CRACDL: variants seen among roughly 807,000 people sequenced by gnomAD.
The protein encoded by CRACDL is CRACD like.
A neutral mutation model predicts 70.6 loss-of-function variants in CRACDL; 26 were observed. That is an observed-to-expected ratio of 0.37 (90% CI 0.27 to 0.51). The LOEUF is 0.51. Ranked by LOEUF, CRACDL falls within the 20% of genes least tolerant of loss-of-function variation. The pLI is 0.94. For missense variants in CRACDL, 1,283 were observed against 1,376.9 expected, an observed-to-expected ratio of 0.93 and a Z score of 1.08; for synonymous variants, 618 against 615.2, an observed-to-expected ratio of 1.00 and a Z score of -0.07.
chr2:98,884,574 ATTC>A (rs1707751981), intron 1 of CRACDL, among the ~76,000 whole-genome samples: 3 of 152,206 alleles, frequency 2.0e-5, no homozygotes, highest in Admixed American at 2.0e-4. Context: ...CCTGCCTAAA[ATTC>A]ACGTGTTGAA....
intron 7 of CRACDL, among the ~76,000 whole-genome samples, chr2:98,799,730 C>T (rs1277472374): frequency 6.6e-6 from 1 of 152,170 alleles, no homozygotes; most frequent in African/African-American, 2.4e-5. Context: ...GAACCAGCCA[C>T]GAGTTGACAC....
intron 7 of CRACDL, among the ~76,000 whole-genome samples, chr2:98,816,595 G>A (rs2104449656): frequency 6.6e-6 from 1 of 152,246 alleles, no homozygotes; most frequent in South Asian, 2.1e-4. Flanking sequence ...AGAAGTCAAG[G>A]GAAGCAAGAA....
chr2:98,880,282 C>T (rs978499998), intron 1 of CRACDL, among the ~76,000 whole-genome samples: 27 of 152,238 alleles, frequency 1.8e-4, no homozygotes, highest in African/African-American at 5.3e-4. Context: ...ATCCTGTGAA[C>T]GAACAAGGAC....
intron 1 of CRACDL, among the ~76,000 whole-genome samples, chr2:98,879,170 C>A (rs998884544): frequency 6.6e-6 from 1 of 152,078 alleles, no homozygotes; most frequent in Non-Finnish European, 1.5e-5. Flanking sequence ...TCTTGGTAGC[C>A]CTAATACATA....
chr2:98,818,341 T>C (rs560638047), intron 7 of CRACDL, among the ~76,000 whole-genome samples: 2 of 152,318 alleles, frequency 1.3e-5, no homozygotes, highest in African/African-American at 4.8e-5. Flanking sequence ...CATTGCATCC[T>C]TTCCTACTCC....
intron 1 of CRACDL, among the ~76,000 whole-genome samples, chr2:98,923,701 T>C (rs970096921): frequency 6.6e-6 from 1 of 152,252 alleles, no homozygotes; most frequent in African/African-American, 2.4e-5. Context: ...ATATGACACC[T>C]AGACAAGTCT....
rs142692690 is a variant in CRACDL at position 98,828,186 on chromosome 2, G to A, written c.541-1017C>T. Among the ~76,000 whole-genome samples the A allele has an allele frequency of 2.9e-3, 434 of 152,208 alleles. 1 individual carries two copies. Among genetic ancestry groups the A allele is most frequent in the African/African-American group, 0.01 (420 of 41,508 alleles). ...CTCCACCACTGAGTGAGGTCGAAGT[G>A]GGCTCCCCTGCAGACACAAGTTGGG... On this transcript the variant is annotated intron_variant, in intron 5 of 9. Transcript: ENST00000397899.
intron 1 of CRACDL, chr2:98,897,517 G>T: frequency 1.8e-6 from 1 of 549,234 alleles, no homozygotes; most frequent in Non-Finnish European, 2.8e-6. Flanking sequence ...AACCTTGAAG[G>T]TTTCATAACT....
chr2:98,871,811 G>A (rs1707355733), intron 1 of CRACDL, among the ~76,000 whole-genome samples: 1 of 152,162 alleles, frequency 6.6e-6, no homozygotes, highest in African/African-American at 2.4e-5. Flanking sequence ...CATGATACAG[G>A]AAAATATTCA....
intron 7 of CRACDL, among the ~76,000 whole-genome samples, chr2:98,808,746 C>T (rs933532512): frequency 1.3e-5 from 2 of 152,364 alleles, no homozygotes; most frequent in African/African-American, 4.8e-5. Context: ...ACTGTCTTCT[C>T]TTCTTCAAAC....
rs1310155610 is a variant in CRACDL, at chr2:98,795,075, A to ATTTTTT, written c.2750-405_2750-404insAAAAAA. Among the ~76,000 whole-genome samples the ATTTTTT allele has an allele frequency of 2.6e-3, 63 of 24,460 alleles. 2 individuals are homozygous for ATTTTTT. Among genetic ancestry groups the ATTTTTT allele is most frequent in the South Asian group, 8.7e-3 (3 of 344 alleles). 16.0% of individuals were successfully genotyped at this position (24,460 alleles called of 152,430 possible). On this transcript the variant is annotated intron_variant, in intron 9 of 9. Transcript: ENST00000397899. Reference sequence around the variant, plus strand: ...TATATATATATATATATATATATATATATTTTTTTTTTTTTTTGAGACAGA... The same window carrying ATTTTTT: ...TATATATATATATATATATATATATATTTTTTTATTTTTTTTTTTTTTTGAGACAGA...
intron 1 of CRACDL, among the ~76,000 whole-genome samples, chr2:98,857,984 C>T (rs1706774882): frequency 6.6e-6 from 1 of 152,038 alleles, no homozygotes; most frequent in African/African-American, 2.4e-5. Flanking sequence ...CTAACCACAA[C>T]AGAATCAAAT....
intron 1 of CRACDL, among the ~76,000 whole-genome samples, chr2:98,878,512 C>T (rs1707548867): frequency 6.6e-6 from 1 of 152,212 alleles, no homozygotes; most frequent in Non-Finnish European, 1.5e-5. Flanking sequence ...ATGATGTTCA[C>T]ACGATGAAAT....
At chr2:98,796,292 A>G (rs1703820277) in intron 8 of CRACDL, 28 bp from the exon 9 acceptor site, 2 of 1,605,100 alleles carry the variant, frequency 1.2e-6, no homozygotes, top group Admixed American at 3.3e-5. Flanking sequence ...ACATGCTGCC[A>G]AGTTAACAAT....
intron 1 of CRACDL, among the ~76,000 whole-genome samples, chr2:98,849,239 T>C (rs1162682874): frequency 6.6e-6 from 1 of 152,160 alleles, no homozygotes; most frequent in Non-Finnish European, 1.5e-5. Context: ...TGGGGTTTCT[T>C]CGTCTGGGGA....
Position 98,794,427 on chromosome 2 carries a change from A to C in CRACDL, c.*105T>G. The C allele has an allele frequency of 3.7e-6, 4 of 1,074,800 alleles. No individual in the cohort carries two copies. The highest frequency in any genetic ancestry group is 5.5e-6 in the Non-Finnish European group (4 of 727,272). The allele number at this position is 1,074,800 out of a possible 1,614,324, so 66.6% of individuals were successfully genotyped here. A position where few individuals can be genotyped will look rare whatever the true frequency, so the allele number is the denominator to read the frequency against. ...CCAAGTTCGTCATAACTTGATGATAAAATCAATCTTTAAGTTTCACAGTTT... is the reference window on the plus strand; with the variant it reads ...CCAAGTTCGTCATAACTTGATGATACAATCAATCTTTAAGTTTCACAGTTT... On this transcript the variant is annotated 3_prime_UTR_variant, in exon 10 of 10. Coordinates refer to ENST00000397899, the MANE Select transcript of CRACDL (RefSeq NM_207362.3).
At position 98,823,198 on chromosome 2, in the gene CRACDL, C is replaced by T. The variant is rs756400465; in HGVS notation, c.1075G>A (p.Glu359Lys). 1.4e-6 allele frequency: 2 copies of T among 1,449,910 alleles called. No individual in the cohort carries two copies. Among genetic ancestry groups the T allele is most frequent in the Non-Finnish European group, 1.8e-6 (2 of 1,101,730 alleles). 89.8% of individuals were successfully genotyped at this position (1,449,910 alleles called of 1,614,324 possible). A position where few individuals can be genotyped will look rare whatever the true frequency, so the allele number is the denominator to read the frequency against. The change falls in exon 7 of 10, where the codon GAG (glutamate) becomes AAG (lysine). Residue 359 changes from glutamate (E) to lysine (K), a missense_variant. This residue lies in a region of CRACDL where 921 missense variants were observed against 881.9 expected (regional missense o/e 1.04). Coordinates refer to ENST00000397899, the MANE Select transcript of CRACDL (RefSeq NM_207362.3). The surrounding 1 kb of genome is among the most constrained non-coding windows in gnomAD (Gnocchi z 4.0). ...TLRVEPPSPP[E>K]GPPNPGPDGG... is the part of the protein sequence containing the mutation. The stretch of plus-strand genomic sequence containing the variant: ...TCGGGACCGGGATTCGGGGGGCCCT[C>T]CGGCGGGGACGGGGGCTCCACGCGG...
chr2:98,924,500 A>G (rs897058654), intron 1 of CRACDL, among the ~76,000 whole-genome samples: 1 of 152,222 alleles, frequency 6.6e-6, no homozygotes, highest in Non-Finnish European at 1.5e-5. Flanking sequence ...GCTCAGCCAA[A>G]CTCAGAGACA....
chr2:98,859,049 C>T (rs1706828440), intron 1 of CRACDL, among the ~76,000 whole-genome samples: 1 of 152,178 alleles, frequency 6.6e-6, no homozygotes, highest in Non-Finnish European at 1.5e-5. Context: ...TAAATCCTAT[C>T]AAACACTTAA....
Sources: allele counts gnomAD v4.1 joint callset (sites outside exome capture counted in the v4.1 genomes callset), GRCh38; gene constraint gnomAD v4.1.1; regional missense constraint gnomAD v4.1.1; non-coding constraint Gnocchi (gnomAD v3.1); transcripts MANE v1.5; gene names NCBI Gene and HGNC (gene_info 2026-07-23, HGNC 2026-07-21).